TOX: variants seen among roughly 807,000 people sequenced by gnomAD.
The protein encoded by TOX is thymocyte selection associated high mobility group box.
In TOX, 11 loss-of-function variants were observed where a neutral mutation model predicts 53.7. The observed-to-expected ratio is 0.20, with a 90% CI of 0.13 to 0.34. The LOEUF (loss-of-function observed/expected upper bound fraction) is 0.34, where lower values mean the gene tolerates loss of function less well. Among genes scored for constraint, TOX ranks in the 10% least tolerant of loss-of-function variants. The probability of loss-of-function intolerance (pLI) is 1.00; values close to 1 mark genes in which losing one functional copy is unlikely to be tolerated. For missense variants in TOX, 570 were observed against 664.6 expected, an observed-to-expected ratio of 0.86 and a Z score of 1.56; for synonymous variants, 225 against 245.3, an observed-to-expected ratio of 0.92 and a Z score of 0.77.
At chr8:58,875,019 A>C (rs541218044) in intron 3 of TOX, among the ~76,000 whole-genome samples, 1 of 152,226 alleles carries the variant, frequency 6.6e-6, no homozygotes, top group Non-Finnish European at 1.5e-5. Context: ...AGCTCGATCT[A>C]AACACTCAGG....
chr8:59,079,899 G>A (rs1389906293), intron 1 of TOX, among the ~76,000 whole-genome samples: 1 of 152,222 alleles, frequency 6.6e-6, no homozygotes, highest in African/African-American at 2.4e-5. Context: ...AGCCACAGGA[G>A]TGGAGCTGCC....
chr8:58,895,468 A>G (rs1811628876), intron 3 of TOX, among the ~76,000 whole-genome samples: 1 of 152,238 alleles, frequency 6.6e-6, no homozygotes, highest in South Asian at 2.1e-4. Flanking sequence ...AATCAAACAT[A>G]AACAAAGCTG....
intron 1 of TOX, among the ~76,000 whole-genome samples, chr8:59,078,180 C>T (rs1310851416): frequency 2.0e-5 from 3 of 152,196 alleles, no homozygotes; most frequent in African/African-American, 4.8e-5. Context: ...TATAACACAG[C>T]AGAGATGGGA....
At chr8:58,826,774 C>T (rs4737522) in intron 6 of TOX, 48 bp downstream of exon 6, 331,677 of 1,516,152 alleles carry the variant, frequency 0.22, 37,761 homozygotes, top group South Asian at 0.24. Flanking sequence ...TCAAAGTCTG[C>T]GCCGAGATGG....
At chr8:58,961,754 GCCTCAGCCTCCCAAAGTGC>G (rs1812802234) in intron 1 of TOX, among the ~76,000 whole-genome samples, 1 of 141,948 alleles carries the variant, frequency 7.0e-6, no homozygotes, top group African/African-American at 2.4e-5. Context: ...CCCAAAGCCT[GCCTCAGCCTCCCAAAGTGC>G]TGGGATTGCA....
rs898517845 is a variant in TOX, at chr8:58,995,420, T to G, written c.103-35412A>C. Among the ~76,000 whole-genome samples the G allele has an allele frequency of 4.6e-5, 7 of 152,204 alleles. 1 individual carries two copies. The highest frequency in any genetic ancestry group is 1.7e-4 in the African/African-American group (7 of 41,458). Reference sequence around the variant, plus strand: ...TCTTAAGAGAGCAAACTGCAAACACTCAATGAACTACAATGCCCTAAAAAG... The same window carrying G: ...TCTTAAGAGAGCAAACTGCAAACACGCAATGAACTACAATGCCCTAAAAAG... On this transcript the variant is annotated intron_variant, in intron 1 of 8. Transcript: ENST00000361421.
At chr8:58,981,299 G>A (rs4738744) in intron 1 of TOX, among the ~76,000 whole-genome samples, 4 of 151,514 alleles carry the variant, frequency 2.6e-5, no homozygotes, top group South Asian at 4.2e-4. Context: ...CTCTCTAGTC[G>A]TCGTTCCACT....
At chr8:59,017,668 G>C (rs1298038097) in intron 1 of TOX, among the ~76,000 whole-genome samples, 1 of 152,190 alleles carries the variant, frequency 6.6e-6, no homozygotes, top group African/African-American at 2.4e-5. Context: ...GTGATAGACA[G>C]TATAATAAGC....
rs182909422 is a variant in TOX, at chr8:58,993,384, T to C, written c.103-33376A>G. Among the ~76,000 whole-genome samples, 46 of 152,296 alleles carry C rather than the reference T, an allele frequency of 3.0e-4. No homozygotes were observed. The East Asian group carries it at 6.7e-3, about 22-fold the overall frequency. On this transcript the variant is annotated intron_variant, in intron 1 of 8. Transcript: ENST00000361421. ...CTGACATTGATGGATATTAATAAAG[T>C]TGATGCTATAAAGTTTCACCAGGAA...
chr8:59,075,026 T>C (rs1161177490), intron 1 of TOX, among the ~76,000 whole-genome samples: 5 of 152,108 alleles, frequency 3.3e-5, no homozygotes, highest in African/African-American at 9.7e-5. Flanking sequence ...GAGATGGTAA[T>C]GGTGAAAATG....
intron 1 of TOX, among the ~76,000 whole-genome samples, chr8:59,017,768 T>A (rs1295441752): frequency 6.6e-6 from 1 of 152,230 alleles, no homozygotes; most frequent in Admixed American, 6.5e-5. Context: ...TGTCTAGAGC[T>A]ATTTTTCTAC....
intron 1 of TOX, among the ~76,000 whole-genome samples, chr8:59,107,955 G>GC (rs1479389920): frequency 5.3e-5 from 8 of 151,976 alleles, no homozygotes; most frequent in African/African-American, 1.9e-4. Context: ...CCCTTTCCCC[G>GC]CCCCCAAAAC....
chr8:58,905,815 C>G (rs545156390), intron 3 of TOX, among the ~76,000 whole-genome samples: 1 of 152,132 alleles, frequency 6.6e-6, no homozygotes, highest in Non-Finnish European at 1.5e-5. Context: ...CGACTTTGAT[C>G]CTATGGCAAT....
At chr8:58,956,704 C>T (rs1237242602) in intron 2 of TOX, among the ~76,000 whole-genome samples, 1 of 152,160 alleles carries the variant, frequency 6.6e-6, no homozygotes, top group Non-Finnish European at 1.5e-5. Flanking sequence ...TGGGTTCAAG[C>T]GATTCTCCTG....
intron 2 of TOX, among the ~76,000 whole-genome samples, chr8:58,957,358 T>C (rs963992129): frequency 6.6e-6 from 1 of 152,232 alleles, no homozygotes; most frequent in African/African-American, 2.4e-5. Flanking sequence ...GTTTTTATTA[T>C]ATACTTGTCA....
chr8:59,056,096 GTCT>G (rs1298300544), intron 1 of TOX, among the ~76,000 whole-genome samples: 2 of 151,968 alleles, frequency 1.3e-5, no homozygotes, highest in African/African-American at 4.8e-5. Context: ...TAATTTTAAA[GTCT>G]TCTTGGAAGT....
chr8:59,006,076 A>C (rs1215569353), intron 1 of TOX, among the ~76,000 whole-genome samples: 3 of 152,220 alleles, frequency 2.0e-5, no homozygotes, highest in Non-Finnish European at 4.4e-5. Flanking sequence ...TTTTATATAG[A>C]TGTCAGATCT....
intron 3 of TOX, among the ~76,000 whole-genome samples, chr8:58,857,254 G>A (rs947350307): frequency 2.0e-5 from 3 of 152,102 alleles, no homozygotes; most frequent in Non-Finnish European, 4.4e-5. Context: ...TGTCTCAAAG[G>A]TAATTTCTCA....
chr8:58,912,718 C>T (rs1410433376), intron 3 of TOX, among the ~76,000 whole-genome samples: 1 of 152,176 alleles, frequency 6.6e-6, no homozygotes, highest in Non-Finnish European at 1.5e-5. Context: ...CTTTCTAGAC[C>T]CAGTGGTGCA....
Sources: allele counts gnomAD v4.1 joint callset (sites outside exome capture counted in the v4.1 genomes callset), GRCh38; gene constraint gnomAD v4.1.1; transcripts MANE v1.5; gene names NCBI Gene and HGNC (gene_info 2026-07-23, HGNC 2026-07-21).